DIP2C: variants seen among roughly 807,000 people sequenced by gnomAD.
DIP2C encodes the protein disco-interacting protein 2 homolog C.
A neutral mutation model predicts 192.4 loss-of-function variants in DIP2C; 33 were observed. The ratio of observed to expected loss-of-function variants is 0.17; its 90% CI spans 0.13 to 0.23. DIP2C has a LOEUF of 0.23. Ranked by LOEUF, DIP2C falls within the 10% of genes least tolerant of loss-of-function variation. DIP2C has a pLI of 1.00. For missense variants in DIP2C, 1,537 were observed against 2,110.1 expected (o/e 0.73, Z 5.32); for synonymous variants, 979 against 864.1 (o/e 1.13, Z -2.33).
intron 35 of DIP2C, among the ~76,000 whole-genome samples, chr10:282,949 ACT>A (rs1426998463): frequency 6.6e-6 from 1 of 151,948 alleles, no homozygotes; most frequent in Non-Finnish European, 1.5e-5. Context: ...TGCTGAGGAG[ACT>A]CTGTGGTCTG....
At chr10:677,668 G>T (rs530446714) in intron 1 of DIP2C, among the ~76,000 whole-genome samples, 2 of 152,308 alleles carry the variant, frequency 1.3e-5, no homozygotes, top group South Asian at 4.1e-4. Context: ...GAACTTCAAA[G>T]TCTGTCTCTG....
intron 1 of DIP2C, among the ~76,000 whole-genome samples, chr10:598,054 C>A (rs1005811598): frequency 3.3e-5 from 5 of 152,214 alleles, no homozygotes; most frequent in African/African-American, 1.2e-4. Context: ...CTCTAACCAC[C>A]GCTGGACCTG....
intron 1 of DIP2C, among the ~76,000 whole-genome samples, chr10:603,428 T>TTAAAA: frequency 6.7e-6 from 1 of 148,990 alleles, no homozygotes; most frequent in African/African-American, 2.5e-5. Flanking sequence ...ACTCAGGACC[T>TTAAAA]CTGTCTCTGA....
chr10:381,849 G>A (rs2132881718), intron 17 of DIP2C, among the ~76,000 whole-genome samples: 1 of 152,238 alleles, frequency 6.6e-6, no homozygotes, highest in African/African-American at 2.4e-5. Context: ...TGGACATGCT[G>A]CCCCAAGAGC....
At chr10:337,440 TTGTGTGTG>T (rs1957886003) in intron 29 of DIP2C, among the ~76,000 whole-genome samples, 1 of 105,528 alleles carries the variant, frequency 9.5e-6, no homozygotes, top group Non-Finnish European at 2.0e-5. Context: ...CCTAGGCTGA[TTGTGTGTG>T]CGTGTGTGTT....
chr10:457,212 C>T (rs1969374951), intron 3 of DIP2C, among the ~76,000 whole-genome samples: 1 of 152,180 alleles, frequency 6.6e-6, no homozygotes, highest in African/African-American at 2.4e-5. Context: ...CAAGTCTATG[C>T]ATCTCCTATT....
chr10:547,162 C>T lies in DIP2C; in HGVS notation c.86-60632G>A, dbSNP rs144206063. On this transcript the variant is annotated intron_variant, in intron 1 of 36. Transcript: ENST00000280886. ...ACATTCCAGAGGGAACCCGGAATCC[C>T]GGTGCTGCAGCGGGACTGAAGTTTG... Among the ~76,000 whole-genome samples the T allele has an allele frequency of 7.1e-3, 1,078 of 152,290 alleles. 11 individuals are homozygous for T. The highest frequency in any genetic ancestry group is 0.024 in the African/African-American group (1,010 of 41,554).
Position 364,474 on chromosome 10 carries a change from T to G in DIP2C, c.2377A>C (p.Met793Leu), listed in dbSNP as rs777779235. The G allele has an allele frequency of 1.2e-6, 2 of 1,614,144 alleles. No individual in the cohort carries two copies. The highest frequency in any genetic ancestry group is 3.3e-5 in the Admixed American group (2 of 60,024). The part of the protein sequence containing the change: ...PGGLVFVVGK[M>L]DGLMVVSGRR... The stretch of plus-strand genomic sequence containing the variant: ...CCGCTGACCACCATGAGGCCATCCA[T>G]CTTGCCCACCACGAAGACGAGGCCT... Residue 793 changes from methionine to leucine, a missense_variant, in exon 20 of 37, where the codon ATG (methionine) becomes CTG (leucine). Physicochemically the swap from Met to Leu is conservative, Grantham distance 15. Transcript: ENST00000280886.
At chr10:554,822 C>G (rs1179527423) in intron 1 of DIP2C, among the ~76,000 whole-genome samples, 1 of 152,218 alleles carries the variant, frequency 6.6e-6, no homozygotes, top group African/African-American at 2.4e-5. Flanking sequence ...GCTCCTGAAA[C>G]CTGGGCACAG....
intron 1 of DIP2C, among the ~76,000 whole-genome samples, chr10:658,264 G>A (rs1338380575): frequency 6.7e-6 from 1 of 149,842 alleles, no homozygotes; most frequent in Admixed American, 6.6e-5. Context: ...CCTGATGCTG[G>A]ACCTGCCCCT....
intron 1 of DIP2C, among the ~76,000 whole-genome samples, chr10:588,355 G>C (rs1208318019): frequency 6.6e-6 from 1 of 152,262 alleles, no homozygotes; most frequent in East Asian, 1.9e-4. Flanking sequence ...TGGAAGCTGA[G>C]TCAAATCAGT....
At chr10:401,707 G>A (rs1386675089) in intron 9 of DIP2C, among the ~76,000 whole-genome samples, 4 of 149,044 alleles carry the variant, frequency 2.7e-5, no homozygotes, top group African/African-American at 9.8e-5. Flanking sequence ...TTATGGACAA[G>A]TTTGGTATGT....
At chr10:433,579 G>A (rs927136043) in intron 4 of DIP2C, among the ~76,000 whole-genome samples, 4 of 152,184 alleles carry the variant, frequency 2.6e-5, no homozygotes, top group Non-Finnish European at 5.9e-5. Context: ...TACTCGGGAG[G>A]CTGAGGCAGG....
At chr10:528,379 GCAGCTCCCCCAGAACGCAGACCGCCCA>G (rs1564821160) in intron 1 of DIP2C, among the ~76,000 whole-genome samples, 1 of 90,150 alleles carries the variant, frequency 1.1e-5, no homozygotes, top group Non-Finnish European at 2.1e-5. Context: ...CAGACCGCCC[GCAGCTCCCCCAGAACGCAGACCGCCCA>G]CTGCTCCCCC....
At chr10:351,374 G>A (rs1958801175) in intron 24 of DIP2C, among the ~76,000 whole-genome samples, 1 of 152,182 alleles carries the variant, frequency 6.6e-6, no homozygotes, top group Non-Finnish European at 1.5e-5. Context: ...GACAGCCGAT[G>A]AGCGCAGCGA....
chr10:337,292 C>A (rs1957865472), intron 29 of DIP2C, among the ~76,000 whole-genome samples: 6 of 117,496 alleles, frequency 5.1e-5, no homozygotes, highest in African/African-American at 6.7e-5. Context: ...TCTGTGGAGG[C>A]CTAGGCAGCT....
intron 1 of DIP2C, among the ~76,000 whole-genome samples, chr10:529,004 G>T (rs865785175): frequency 6.6e-6 from 1 of 152,206 alleles, no homozygotes; most frequent in South Asian, 2.1e-4. Flanking sequence ...ACCTGACGGG[G>T]ATGGTGCCAG....
At chr10:439,987 C>T (rs1461287399) in intron 4 of DIP2C, among the ~76,000 whole-genome samples, 1 of 152,142 alleles carries the variant, frequency 6.6e-6, no homozygotes, top group Non-Finnish European at 1.5e-5. Context: ...GCAACTGTCA[C>T]ATGAATAATG....
chr10:587,496 C>A (rs1395784514), intron 1 of DIP2C, among the ~76,000 whole-genome samples: 1 of 152,184 alleles, frequency 6.6e-6, no homozygotes, highest in Non-Finnish European at 1.5e-5. Context: ...ATAAAAATAC[C>A]CCAAACCTAC....
Sources: allele counts gnomAD v4.1 joint callset (sites outside exome capture counted in the v4.1 genomes callset), GRCh38; gene constraint gnomAD v4.1.1; transcripts MANE v1.5; gene names NCBI Gene and HGNC (gene_info 2026-07-23, HGNC 2026-07-21).